The following IGSF11 variants were observed in gnomAD, a reference collection of about 807,000 sequenced individuals.
IGSF11 encodes immunoglobulin superfamily member 11, also known as CXADR like 1.
Under a neutral mutation model 41.0 loss-of-function variants are expected in IGSF11, and 22 were observed. That is an observed-to-expected ratio of 0.54 (90% CI 0.38 to 0.77). The LOEUF (loss-of-function observed/expected upper bound fraction) is 0.77. Among genes scored for constraint, IGSF11 ranks in the 30% least tolerant of loss-of-function variants. The pLI, the probability that IGSF11 is intolerant of heterozygous loss-of-function variation, is 0.00. For synonymous variants in IGSF11, 219 were observed against 201.3 expected (o/e 1.09, Z -0.74); for missense variants, 444 against 530.8 (o/e 0.84, Z 1.61).
chr3:119,066,877 T>G (rs558029495), intron 1 of IGSF11, among the ~76,000 whole-genome samples: 1 of 152,344 alleles, frequency 6.6e-6, no homozygotes, highest in East Asian at 1.9e-4. Flanking sequence ...TTTTTAGTTT[T>G]ATACATCTAT....
At chr3:118,982,173 A>G (rs1934794754) in intron 1 of IGSF11, among the ~76,000 whole-genome samples, 1 of 152,202 alleles carries the variant, frequency 6.6e-6, no homozygotes, top group Admixed American at 6.5e-5. Context: ...CCACCGGGAT[A>G]AAGAAGTATC....
intron 1 of IGSF11, among the ~76,000 whole-genome samples, chr3:119,123,712 C>T (rs4422291): frequency 0.46 from 70,310 of 151,988 alleles, 16,375 homozygotes; most frequent in East Asian, 0.51. Context: ...AACAAGAGTC[C>T]CTACCTGGTA....
At position 118,960,527 on chromosome 3, in the gene IGSF11, T is replaced by C. The variant is rs148988078; in HGVS notation, c.53-30252A>G. Among the ~76,000 whole-genome samples the C allele has an allele frequency of 5.3e-3, 811 of 152,282 alleles. 8 individuals are homozygous for C. Among genetic ancestry groups the C allele is most frequent in the African/African-American group, 0.017 (724 of 41,558 alleles). ...GTATTAATAATGCAAATATAGCTAA[T>C]AAAAAATTACTATTTTGCCGGTTGA... On this transcript the variant is annotated intron_variant, in intron 1 of 6. Coordinates refer to ENST00000393775, the MANE Select transcript of IGSF11 (RefSeq NM_001015887.3).
At position 119,001,005 on chromosome 3, in the gene IGSF11, T is replaced by A. The variant is rs573114836; in HGVS notation, c.52+33526A>T. On this transcript the variant is annotated intron_variant, in intron 1 of 6. Coordinates refer to ENST00000393775, the MANE Select transcript of IGSF11 (RefSeq NM_001015887.3). ...TATAATATTCCTTGCCTATTCTGAC[T>A]GTTTCTCCAGCAGTGTTTTTGCTGT... 5.9e-5 allele frequency among the ~76,000 whole-genome samples: 9 copies of A among 152,288 alleles called. No individual in the cohort carries two copies. The South Asian group carries it at 1.9e-3, about 32-fold the overall frequency.
chr3:118,902,816 ACT>A lies in IGSF11; in HGVS notation c.998_999del (p.Glu333ValfsTer7), dbSNP rs746164489. The A allele has an allele frequency of 5.0e-6, 8 of 1,613,992 alleles. 1 individual carries two copies. In the Admixed American group the frequency reaches 6.7e-5, roughly 13 times the overall value. The part of the protein sequence containing the change: ...SNNPKVHRNT[E>X]SVSHFSDLGQ... Reference sequence around the variant, plus strand: ...CCCAAGTCACTGAAGTGGCTGACTGACTCTGTGTTTCTATGAACTTTTGGATT... The same window carrying A: ...CCCAAGTCACTGAAGTGGCTGACTGACTGTGTTTCTATGAACTTTTGGATT... On this transcript the variant is annotated frameshift_variant, in exon 7 of 7. Coordinates refer to ENST00000393775, the MANE Select transcript of IGSF11 (RefSeq NM_001015887.3). LOFTEE classifies it high-confidence loss of function.
At chr3:119,113,528 G>C (rs2077213404) in intron 1 of IGSF11, among the ~76,000 whole-genome samples, 1 of 152,206 alleles carries the variant, frequency 6.6e-6, no homozygotes, top group Non-Finnish European at 1.5e-5. Context: ...CTCACATCCA[G>C]GCCATGTTGA....
chr3:119,016,410 C>T (rs1014508502), intron 1 of IGSF11, among the ~76,000 whole-genome samples: 3 of 152,066 alleles, frequency 2.0e-5, no homozygotes, highest in African/African-American at 7.2e-5. Flanking sequence ...GCTGTCATTC[C>T]TAATTCTTTT....
intron 1 of IGSF11, among the ~76,000 whole-genome samples, chr3:119,103,026 C>G (rs2076962829): frequency 7.8e-6 from 1 of 128,386 alleles, no homozygotes. Flanking sequence ...GAGTTGGAGT[C>G]TCGCTCTGTC....
intron 4 of IGSF11, among the ~76,000 whole-genome samples, chr3:118,906,290 G>A (rs1050564376): frequency 6.6e-6 from 1 of 152,166 alleles, no homozygotes; most frequent in Non-Finnish European, 1.5e-5. Context: ...AGCTGCAGAA[G>A]GCAGGGAGAG....
At chr3:119,093,926 C>T (rs113737194) in intron 1 of IGSF11, among the ~76,000 whole-genome samples, 5 of 152,050 alleles carry the variant, frequency 3.3e-5, no homozygotes, top group African/African-American at 1.2e-4. Context: ...CTCAGCTAAT[C>T]AACATGAGCA....
At position 119,034,789 on chromosome 3, in the gene IGSF11, C is replaced by T; in HGVS notation, c.-207G>A. The T allele has an allele frequency of 1.5e-6, 2 of 1,297,774 alleles. No homozygotes were observed. The highest frequency in any genetic ancestry group is 2.0e-6 in the Non-Finnish European group (2 of 1,022,718). 80.4% of individuals were successfully genotyped at this position (1,297,774 alleles called of 1,614,324 possible). On this transcript the variant is annotated 5_prime_UTR_variant, in exon 1 of 7. Coordinates refer to ENST00000393775, the MANE Select transcript of IGSF11 (RefSeq NM_001015887.3). ...GCCGCCCGGCTCCGCGGACGCTGAG[C>T]TGTGACCAGAGGCGTTCCGGGCTCG...
At chr3:119,014,753 A>G (rs145714834) in intron 1 of IGSF11, among the ~76,000 whole-genome samples, 32 of 152,316 alleles carry the variant, frequency 2.1e-4, no homozygotes, top group African/African-American at 7.5e-4. Flanking sequence ...AGAGTTGAGT[A>G]TAGAGGAGAA....
intron 4 of IGSF11, among the ~76,000 whole-genome samples, chr3:118,909,165 T>A (rs949041432): frequency 2.0e-5 from 3 of 152,234 alleles, no homozygotes; most frequent in Non-Finnish European, 4.4e-5. Flanking sequence ...CAATAGATAT[T>A]GATCTTCAGG....
chr3:118,989,362 T>A (rs1576569503), intron 1 of IGSF11, among the ~76,000 whole-genome samples: 2 of 152,274 alleles, frequency 1.3e-5, no homozygotes, highest in Middle Eastern at 3.4e-3. Context: ...ATAGCATTTT[T>A]TTTTTTTTGA....
At chr3:119,060,965 A>G (rs1316930960) in intron 1 of IGSF11, among the ~76,000 whole-genome samples, 2 of 152,224 alleles carry the variant, frequency 1.3e-5, no homozygotes, top group African/African-American at 2.4e-5. Context: ...AGACTAAGTA[A>G]ATAATGCCTG....
intron 1 of IGSF11, among the ~76,000 whole-genome samples, chr3:119,074,099 G>A (rs1285772001): frequency 6.6e-6 from 1 of 152,152 alleles, no homozygotes; most frequent in African/African-American, 2.4e-5. Context: ...ACCATATTAG[G>A]CAGATTATCA....
intron 3 of IGSF11, among the ~76,000 whole-genome samples, chr3:118,926,470 G>T (rs56232409): frequency 0.086 from 13,061 of 152,116 alleles, 616 homozygotes; most frequent in East Asian, 0.13. Context: ...GTAAGCAGGG[G>T]GCAAATATGT....
intron 1 of IGSF11, among the ~76,000 whole-genome samples, chr3:119,068,325 T>C (rs1010964066): frequency 1.3e-5 from 2 of 152,228 alleles, no homozygotes; most frequent in African/African-American, 4.8e-5. Context: ...AATGTAATAT[T>C]TTAAGCTTGA....
intron 1 of IGSF11, among the ~76,000 whole-genome samples, chr3:119,021,892 G>A (rs139865008): frequency 1.3e-5 from 2 of 152,246 alleles, no homozygotes; most frequent in Non-Finnish European, 2.9e-5. Flanking sequence ...AAAAAAGCAA[G>A]TCATAGAGTA....
Sources: allele counts gnomAD v4.1 joint callset (sites outside exome capture counted in the v4.1 genomes callset), GRCh38; gene constraint gnomAD v4.1.1; transcripts MANE v1.5; gene names NCBI Gene and HGNC (gene_info 2026-07-23, HGNC 2026-07-21).